Variants in KCTD21 observed in about 807,000 individuals in gnomAD.
KCTD21 encodes the protein BTB/POZ domain-containing protein KCTD21.
Under a neutral mutation model 13.2 loss-of-function variants are expected in KCTD21, and 9 were observed. The observed-to-expected ratio is 0.68, with a 90% confidence interval of 0.41 to 1.19. The LOEUF (loss-of-function observed/expected upper bound fraction) is 1.19. KCTD21 is among the 50% of genes most tolerant of loss of function. The probability of loss-of-function intolerance (pLI) is 0.01; values close to 1 mark genes in which losing one functional copy is unlikely to be tolerated. For missense variants in KCTD21, 303 were observed against 336.5 expected, an observed-to-expected ratio of 0.90 and a Z score of 0.78; for synonymous variants, 142 against 137.4, an observed-to-expected ratio of 1.03 and a Z score of -0.23.
chr11:78,174,855 G>T (rs114893936), intron 1 of KCTD21: 3,392 of 311,834 alleles, frequency 0.011, 113 homozygotes, highest in African/African-American at 0.068. Flanking sequence ...CTCTGCTGCC[G>T]ACATTCTATT....
intron 1 of KCTD21, among the ~76,000 whole-genome samples, chr11:78,176,552 C>T (rs536420486): frequency 6.6e-6 from 1 of 152,322 alleles, no homozygotes; most frequent in South Asian, 2.1e-4. Context: ...CCTTCCCTGA[C>T]ATGGCAGGTA....
chr11:78,184,886 C>T (rs983969116), intron 1 of KCTD21, among the ~76,000 whole-genome samples: 6 of 151,852 alleles, frequency 4.0e-5, no homozygotes, highest in African/African-American at 7.3e-5. Flanking sequence ...TACAGGTGCA[C>T]GCTACCACAC....
chr11:78,172,418 ATCTTCC>A lies in KCTD21; in HGVS notation c.*1348_*1353del, dbSNP rs1363033865. The A allele has an allele frequency of 6.6e-6, 1 of 152,206 alleles. No homozygotes were observed. The highest frequency in any genetic ancestry group is 2.4e-5 in the African/African-American group (1 of 41,434). The allele number at this position is 152,206 out of a possible 1,614,324, so 9.4% of individuals were successfully genotyped here. On this transcript the variant is annotated 3_prime_UTR_variant, in exon 2 of 2. Transcript: ENST00000340067. ...CTCTGGATCTCCTCAGGGGCCGTGA[ATCTTCC>A]TCTTCCAGCAGAAAATGGTCGAAAG... is the stretch of plus-strand genomic sequence containing the variant.
In KCTD21 at chr11:78,172,336, G is replaced by A. The variant is rs192456426; in HGVS notation, c.*1436C>T. 4 of 152,326 alleles carry A rather than the reference G, an allele frequency of 2.6e-5. No homozygotes were observed. Among genetic ancestry groups the A allele is most frequent in the Admixed American group, 6.5e-5 (1 of 15,294 alleles). The allele number at this position is 152,326 out of a possible 1,614,324, so 9.4% of individuals were successfully genotyped here. A position where few individuals can be genotyped will look rare whatever the true frequency, so the allele number is the denominator to read the frequency against. On this transcript the variant is annotated 3_prime_UTR_variant, in exon 2 of 2. Coordinates refer to ENST00000340067, the MANE Select transcript of KCTD21 (RefSeq NM_001029859.3). ...ACATTTACTCTAAGGGCACTGTTAC[G>A]GTTCATACCACTCCTGGGCTCCTTG... is the stretch of plus-strand genomic sequence containing the variant.
chr11:78,186,257 T>G (rs1445528966), intron 1 of KCTD21, among the ~76,000 whole-genome samples: 2 of 149,966 alleles, frequency 1.3e-5, no homozygotes, highest in Non-Finnish European at 3.0e-5. Flanking sequence ...GTGCTTGCAG[T>G]CCCAGCTGCA....
At position 78,186,946 on chromosome 11, in the gene KCTD21, G is replaced by A. The variant is rs922997997; in HGVS notation, c.-30+1627C>T. On this transcript the variant is annotated intron_variant, in intron 1 of 1. Transcript: ENST00000340067. Reference sequence around the variant, plus strand: ...AGAAGCACGTAGAATAGGGGAAGAGGAAGAAATTTCTCTCCTGTTTAGTCA... The same window carrying A: ...AGAAGCACGTAGAATAGGGGAAGAGAAAGAAATTTCTCTCCTGTTTAGTCA... 8.1e-6 allele frequency: 8 copies of A among 985,328 alleles called. No individual in the cohort carries two copies. The African/African-American group carries it at 1.2e-4, about 15-fold the overall frequency. The allele number at this position is 985,328 out of a possible 1,614,324, so 61.0% of individuals were successfully genotyped here. A position where few individuals can be genotyped will look rare whatever the true frequency, so the allele number is the denominator to read the frequency against.
rs142443149 is a variant in KCTD21 at position 78,174,172 on chromosome 11, C to T, written c.383G>A (p.Arg128His). 21 of 1,613,940 alleles carry T rather than the reference C, an allele frequency of 1.3e-5. No homozygotes were observed. Among genetic ancestry groups the T allele is most frequent in the East Asian group, 2.2e-5 (1 of 44,892 alleles). The change falls in exon 2 of 2, where the codon CGC becomes CAC. Residue 128 changes from arginine (R) to histidine (H), a missense_variant. Transcript: ENST00000340067. Reference sequence around the variant, plus strand: ...GAGGCTGTAGATCTGGGGTGCCTCGCGCACAGTGAAGTGGACCGTCTGCAC... The same window carrying T: ...GAGGCTGTAGATCTGGGGTGCCTCGTGCACAGTGAAGTGGACCGTCTGCAC... ...QRVQTVHFTV[R>H]EAPQIYSLSS...
intron 1 of KCTD21, among the ~76,000 whole-genome samples, chr11:78,186,359 A>G (rs1403871793): frequency 8.0e-6 from 1 of 125,066 alleles, no homozygotes; most frequent in Non-Finnish European, 1.6e-5. Context: ...GCAACAGAGT[A>G]AGACCCTGTC....
intron 1 of KCTD21, among the ~76,000 whole-genome samples, chr11:78,186,523 C>T (rs1222271489): frequency 1.3e-5 from 2 of 152,066 alleles, no homozygotes; most frequent in East Asian, 1.9e-4. Flanking sequence ...GCCCTGGGCA[C>T]GTTCCTGGGC....
At chr11:78,186,352 A>ACAGAGTAAG (rs1850019416) in intron 1 of KCTD21, among the ~76,000 whole-genome samples, 2 of 136,198 alleles carry the variant, frequency 1.5e-5, no homozygotes, top group Admixed American at 1.6e-4. Context: ...AGCTTGGGCA[A>ACAGAGTAAG]CAGAGTAAGA....
intron 1 of KCTD21, among the ~76,000 whole-genome samples, chr11:78,180,584 T>G (rs1590879618): frequency 1.3e-5 from 2 of 152,252 alleles, no homozygotes; most frequent in South Asian, 4.1e-4. Context: ...GACAATCACA[T>G]GAAAAGATGG....
intron 1 of KCTD21, among the ~76,000 whole-genome samples, chr11:78,177,379 T>A (rs1590876279): frequency 6.6e-6 from 1 of 152,194 alleles, no homozygotes; most frequent in South Asian, 2.1e-4. Context: ...CTGGAGCAGA[T>A]GGGCTGCGAG....
chr11:78,188,128 C>T (rs1234951367), intron 1 of KCTD21: 1 of 985,416 alleles, frequency 1.0e-6, no homozygotes, highest in Non-Finnish European at 1.2e-6. Flanking sequence ...GGCAAGTTCC[C>T]TGTCATCTGT....
intron 1 of KCTD21, chr11:78,186,919 A>G: frequency 1.0e-6 from 1 of 985,350 alleles, no homozygotes; most frequent in Non-Finnish European, 1.2e-6. Context: ...TTCTATATCC[A>G]CAGAAGCACG....
Position 78,174,290 on chromosome 11 carries a change from C to T in KCTD21, c.265G>A (p.Val89Met). The change falls in exon 2 of 2, where the codon GTG becomes ATG. Residue 89 changes from valine (V) to methionine (M), a missense_variant. Physicochemically the swap from Val to Met is conservative, Grantham distance 21. Coordinates refer to ENST00000340067, the MANE Select transcript of KCTD21 (RefSeq NM_001029859.3). ...LLRREADFYQVQPLIEALQEK... is the reference protein window; with the variant it reads ...LLRREADFYQMQPLIEALQEK... ...TGCAGGGCCTCAATCAGGGGCTGCACCTGGTAGAAGTCGGCCTCCCTGCGG... is the reference window on the plus strand; with the variant it reads ...TGCAGGGCCTCAATCAGGGGCTGCATCTGGTAGAAGTCGGCCTCCCTGCGG... 5 of 1,614,084 alleles carry T rather than the reference C, an allele frequency of 3.1e-6. No individual in the cohort carries two copies. The highest frequency in any genetic ancestry group is 1.3e-5 in the African/African-American group (1 of 75,008).
chr11:78,174,736 G>A (rs1384179142), intron 1 of KCTD21, 153 bp from the exon 2 acceptor site: 5 of 572,262 alleles, frequency 8.7e-6, no homozygotes, highest in Non-Finnish European at 1.2e-5. Context: ...ACTGTGCAAA[G>A]TACATTAGCT....
chr11:78,173,752 C>T lies in KCTD21; in HGVS notation c.*20G>A. On this transcript the variant is annotated 3_prime_UTR_variant, in exon 2 of 2. Transcript: ENST00000340067. ...ATGAGCTTCCTGGGACTCCCCATCT[C>T]CAGTGTTGTTGGGGTCCTTTTACCT... 5.0e-6 allele frequency: 8 copies of T among 1,584,734 alleles called. No individual in the cohort carries two copies. The highest frequency in any genetic ancestry group is 6.0e-6 in the Non-Finnish European group (7 of 1,161,736).
At chr11:78,183,690 A>T (rs1209309355) in intron 1 of KCTD21, among the ~76,000 whole-genome samples, 1 of 145,376 alleles carries the variant, frequency 6.9e-6, no homozygotes, top group African/African-American at 2.5e-5. Context: ...GCTGGAGTGC[A>T]GTGGTGTGAT....
At chr11:78,185,347 T>C in intron 1 of KCTD21, among the ~76,000 whole-genome samples, 1 of 152,176 alleles carries the variant, frequency 6.6e-6, no homozygotes, top group East Asian at 1.9e-4. Flanking sequence ...AGAACACTTC[T>C]TCATAGGGCC....
Sources: gnomAD v4.1 joint callset for allele counts (sites outside exome capture counted in the v4.1 genomes callset) on GRCh38, gnomAD v4.1.1 for gene constraint, MANE v1.5 for transcripts, NCBI Gene and HGNC (gene_info 2026-07-23, HGNC 2026-07-21) for gene names.